The following HBS1L variants were observed in gnomAD, a reference collection of about 807,000 sequenced individuals.
The protein encoded by HBS1L is HBS1-like protein.
HBS1L carries 55 observed loss-of-function variants against 88.9 expected under a neutral mutation model. The observed-to-expected ratio is 0.62, with a 90% CI of 0.50 to 0.77. The LOEUF (loss-of-function observed/expected upper bound fraction) is 0.77. Ranked by LOEUF, HBS1L falls within the 30% of genes least tolerant of loss-of-function variation. HBS1L has a pLI of 0.00. For synonymous variants in HBS1L, 267 were observed against 288.5 expected (o/e 0.93, Z 0.76); for missense variants, 741 against 829.3 (o/e 0.89, Z 1.31).
intron 4 of HBS1L, among the ~76,000 whole-genome samples, chr6:135,014,291 GC>G: frequency 6.6e-6 from 1 of 152,136 alleles, no homozygotes; most frequent in East Asian, 1.9e-4. Flanking sequence ...CTCCTCCTAA[GC>G]AGAAACTGTC....
rs1026499607 is a variant in HBS1L at position 134,960,420 on chromosome 6, G to C, written c.*4859C>G. 1.3e-5 allele frequency: 2 copies of C among 152,018 alleles called. No individual in the cohort carries two copies. The highest frequency in any genetic ancestry group is 4.8e-5 in the African/African-American group (2 of 41,410). 9.4% of individuals were successfully genotyped at this position (152,018 alleles called of 1,614,324 possible). A position where few individuals can be genotyped will look rare whatever the true frequency, so the allele number is the denominator to read the frequency against. ...ATTTAAGTCCTCTATGACCTTGTTT[G>C]TTTACATGATCTATAAGGCAGAGCT... is the stretch of plus-strand genomic sequence containing the variant. On this transcript the variant is annotated 3_prime_UTR_variant, in exon 18 of 18. Coordinates refer to ENST00000367837, the MANE Select transcript of HBS1L (RefSeq NM_006620.4).
At chr6:135,019,474 A>T (rs1373634894) in intron 4 of HBS1L, among the ~76,000 whole-genome samples, 1 of 151,954 alleles carries the variant, frequency 6.6e-6, no homozygotes, top group Non-Finnish European at 1.5e-5. Flanking sequence ...TATTAATCAA[A>T]TTTAAAAGGC....
intron 7 of HBS1L, among the ~76,000 whole-genome samples, chr6:134,995,882 T>A (rs1472672966): frequency 6.6e-6 from 1 of 152,066 alleles, no homozygotes; most frequent in African/African-American, 2.4e-5. Context: ...TCAGAAGAGC[T>A]AAGGAATACT....
At chr6:134,969,433 T>G (rs964340753) in intron 15 of HBS1L, 95 bp from the exon 16 acceptor site, 1 of 764,280 alleles carries the variant, frequency 1.3e-6, no homozygotes. Flanking sequence ...AATTCAGTGC[T>G]ACTGCTTGGA....
Position 134,993,770 on chromosome 6 carries a change from TGTA to T in HBS1L, c.1068_1070del (p.Thr357del). The T allele has an allele frequency of 6.4e-7, 1 of 1,563,512 alleles. No individual in the cohort carries two copies. The highest frequency in any genetic ancestry group is 8.7e-7 in the Non-Finnish European group (1 of 1,143,062). ...AAACAGCAGTTACCTGGGCTGCTCC[TGTA>T]ATCATATTTGGAATGAAGTCCTTAT... On this transcript the variant is annotated inframe_deletion, in exon 8 of 18. Transcript: ENST00000367837.
intron 2 of HBS1L, among the ~76,000 whole-genome samples, chr6:135,047,643 G>A (rs142132932): frequency 1.3e-5 from 2 of 152,286 alleles, no homozygotes; most frequent in Non-Finnish European, 2.9e-5. Flanking sequence ...ATCTCCTCTA[G>A]ATAAATACAT....
chr6:135,009,851 C>G (rs1583107140), intron 4 of HBS1L, among the ~76,000 whole-genome samples: 1 of 150,894 alleles, frequency 6.6e-6, no homozygotes, highest in East Asian at 1.9e-4. Flanking sequence ...ACTGTGGTCT[C>G]GATCTCCTGA....
chr6:134,968,539 G>A (rs1489682845), intron 16 of HBS1L, among the ~76,000 whole-genome samples: 1 of 152,164 alleles, frequency 6.6e-6, no homozygotes, highest in Non-Finnish European at 1.5e-5. Context: ...ATGAGCCACT[G>A]TGCCTGGCCA....
chr6:134,993,629 C>G (rs1046807264), intron 8 of HBS1L, 129 bp downstream of exon 8: 1 of 429,976 alleles, frequency 2.3e-6, no homozygotes, highest in African/African-American at 2.0e-5. Flanking sequence ...TTTGTTCAAG[C>G]TTTATAAAGG....
chr6:135,037,131 T>C (rs1776578724), intron 4 of HBS1L: 1 of 1,551,666 alleles, frequency 6.4e-7, no homozygotes, highest in South Asian at 1.2e-5. Context: ...TGGGAGAAGC[T>C]TTATGAAATG....
intron 4 of HBS1L, among the ~76,000 whole-genome samples, chr6:135,006,617 G>A (rs1316772303): frequency 6.6e-6 from 1 of 152,164 alleles, no homozygotes; most frequent in African/African-American, 2.4e-5. Flanking sequence ...TCAGGTTTAA[G>A]AGGCTATAAA....
intron 1 of HBS1L, among the ~76,000 whole-genome samples, chr6:135,053,669 G>C (rs918579230): frequency 4.6e-5 from 7 of 152,206 alleles, no homozygotes; most frequent in African/African-American, 1.7e-4. Flanking sequence ...AAAGCATACT[G>C]ATGTTCTATA....
chr6:135,036,583 T>G (rs766118999), intron 4 of HBS1L: 15 of 1,499,230 alleles, frequency 1.0e-5, no homozygotes, highest in Non-Finnish European at 1.3e-5. Context: ...TGCTTTTTTT[T>G]GATTAGCTTT....
At chr6:134,985,071 A>C (rs972550151) in intron 12 of HBS1L, among the ~76,000 whole-genome samples, 2 of 152,174 alleles carry the variant, frequency 1.3e-5, no homozygotes, top group Non-Finnish European at 2.9e-5. Context: ...TGGGAGAAAA[A>C]AAAACTATAA....
chr6:134,997,947 T>C (rs1343934656), intron 5 of HBS1L, among the ~76,000 whole-genome samples: 1 of 152,232 alleles, frequency 6.6e-6, no homozygotes, highest in Non-Finnish European at 1.5e-5. Flanking sequence ...GTCTTGGCCA[T>C]ATAATCCATC....
At chr6:135,037,240 G>A in intron 4 of HBS1L, 1 of 1,551,886 alleles carries the variant, frequency 6.4e-7, no homozygotes, top group Non-Finnish European at 8.7e-7. Context: ...ACTTAGATCT[G>A]TGAAACTGGC....
chr6:134,987,465 C>G (rs1480924262), intron 9 of HBS1L, among the ~76,000 whole-genome samples, 180 bp downstream of exon 9: 1 of 151,888 alleles, frequency 6.6e-6, no homozygotes, highest in African/African-American at 2.4e-5. Flanking sequence ...AATAAGAAGA[C>G]ATTTTCTTAC....
chr6:135,038,809 A>G (rs1776638293), intron 4 of HBS1L, among the ~76,000 whole-genome samples: 1 of 152,200 alleles, frequency 6.6e-6, no homozygotes, highest in Non-Finnish European at 1.5e-5. Context: ...TAATTATGAT[A>G]CTTATACCTA....
intron 4 of HBS1L, among the ~76,000 whole-genome samples, chr6:135,024,015 C>G (rs527686697): frequency 6.6e-6 from 1 of 152,202 alleles, no homozygotes; most frequent in Admixed American, 6.5e-5. Context: ...GAAAAAGCCT[C>G]AATAGGAATC....
Sources: allele counts gnomAD v4.1 joint callset (sites outside exome capture counted in the v4.1 genomes callset), GRCh38; gene constraint gnomAD v4.1.1; transcripts MANE v1.5; gene names NCBI Gene and HGNC (gene_info 2026-07-23, HGNC 2026-07-21).